Variants in MAGI2 observed in about 807,000 individuals in gnomAD.
MAGI2 encodes the protein membrane-associated guanylate kinase, WW and PDZ domain-containing protein 2.
Under a neutral mutation model 133.3 loss-of-function variants are expected in MAGI2, and 35 were observed. The ratio of observed to expected loss-of-function variants is 0.26; its 90% CI spans 0.20 to 0.35. The LOEUF is 0.35. MAGI2 is among the 10% of genes least tolerant of loss of function. The pLI, the probability that MAGI2 is intolerant of heterozygous loss-of-function variation, is 1.00. For missense variants in MAGI2, 1,636 were observed against 1,863.4 expected (o/e 0.88, Z 2.25); for synonymous variants, 729 against 710.6 (o/e 1.03, Z -0.41).
At chr7:79,260,381 TAC>T in intron 1 of MAGI2, among the ~76,000 whole-genome samples, 1 of 27,166 alleles carries the variant, frequency 3.7e-5, no homozygotes, top group East Asian at 6.1e-4. Flanking sequence ...CATACATACA[TAC>T]ATACATACAT....
At chr7:78,836,036 C>T (rs1791590260) in intron 2 of MAGI2, among the ~76,000 whole-genome samples, 2 of 152,186 alleles carry the variant, frequency 1.3e-5, no homozygotes, top group Non-Finnish European at 2.9e-5. Context: ...GCAAAAGGAA[C>T]AGTAATGGGT....
chr7:79,086,982 T>C (rs1318329744), intron 1 of MAGI2, among the ~76,000 whole-genome samples: 1 of 151,786 alleles, frequency 6.6e-6, no homozygotes, highest in Non-Finnish European at 1.5e-5. Flanking sequence ...ATCTGAGGAC[T>C]AGAAATAAAA....
intron 6 of MAGI2, among the ~76,000 whole-genome samples, chr7:78,433,554 A>G (rs1318612786): frequency 6.6e-6 from 1 of 152,086 alleles, no homozygotes; most frequent in East Asian, 1.9e-4. Context: ...CATTCAGTGT[A>G]GTAAAGGATG....
At chr7:78,840,444 A>G (rs556424705) in intron 2 of MAGI2, among the ~76,000 whole-genome samples, 15 of 152,168 alleles carry the variant, frequency 9.9e-5, no homozygotes, top group African/African-American at 2.6e-4. Flanking sequence ...GTAACTTCAT[A>G]AAGTCTGTGG....
At chr7:79,129,265 G>T (rs964471730) in intron 1 of MAGI2, among the ~76,000 whole-genome samples, 15 of 152,140 alleles carry the variant, frequency 9.9e-5, no homozygotes, top group African/African-American at 3.6e-4. Context: ...AATACCTTAT[G>T]TAATTTATTG....
chr7:78,670,831 C>T (rs1290453789), intron 2 of MAGI2, among the ~76,000 whole-genome samples: 1 of 152,116 alleles, frequency 6.6e-6, no homozygotes, highest in Non-Finnish European at 1.5e-5. Context: ...TTCAGTAAGA[C>T]TCAACAAAAG....
At chr7:78,798,538 C>T (rs1451200698) in intron 2 of MAGI2, among the ~76,000 whole-genome samples, 2 of 152,068 alleles carry the variant, frequency 1.3e-5, no homozygotes, top group Non-Finnish European at 2.9e-5. Context: ...TCCTGCTGCT[C>T]CTTGTTCTTT....
At chr7:79,364,961 C>A in intron 1 of MAGI2, among the ~76,000 whole-genome samples, 1 of 150,184 alleles carries the variant, frequency 6.7e-6, no homozygotes. Flanking sequence ...AATGAAAAGG[C>A]AAGCTAGAAA....
intron 6 of MAGI2, among the ~76,000 whole-genome samples, chr7:78,391,511 G>T (rs1013815393): frequency 1.3e-5 from 2 of 152,168 alleles, no homozygotes; most frequent in African/African-American, 4.8e-5. Flanking sequence ...GCATCAGAAA[G>T]AAACTTTGTG....
intron 4 of MAGI2, among the ~76,000 whole-genome samples, chr7:78,513,603 C>CTTAA (rs1408591069): frequency 6.6e-6 from 1 of 152,136 alleles, no homozygotes; most frequent in African/African-American, 2.4e-5. Context: ...CCTGAAGAAA[C>CTTAA]TTAAACATTT....
chr7:79,069,420 C>A (rs1240598456), intron 1 of MAGI2, among the ~76,000 whole-genome samples: 1 of 152,092 alleles, frequency 6.6e-6, no homozygotes, highest in African/African-American at 2.4e-5. Flanking sequence ...AGGATTGTAA[C>A]CCCTGCTTTT....
Position 79,314,333 on chromosome 7 carries a change from TCCTGA to T in MAGI2, c.301+138682_301+138686del, listed in dbSNP as rs202191307. Among the ~76,000 whole-genome samples, 1,014 of 152,252 alleles carry T rather than the reference TCCTGA, an allele frequency of 6.7e-3. 6 individuals are homozygous for T. Among genetic ancestry groups the T allele is most frequent in the African/African-American group, 0.023 (962 of 41,548 alleles). The stretch of plus-strand genomic sequence containing the variant: ...CATGTTGGCCATGCTGGTCTCAAAC[TCCTGA>T]CCTCAAGTGATCCACCTGCCTTGGC... On this transcript the variant is annotated intron_variant, in intron 1 of 21. Coordinates refer to ENST00000354212, the MANE Select transcript of MAGI2 (RefSeq NM_012301.4).
At chr7:78,488,867 T>C (rs1793324739) in intron 6 of MAGI2, among the ~76,000 whole-genome samples, 1 of 152,048 alleles carries the variant, frequency 6.6e-6, no homozygotes, top group South Asian at 2.1e-4. Flanking sequence ...AGACACTTTT[T>C]TAAAAGTTAA....
chr7:78,155,476 TG>T (rs1824298111), intron 16 of MAGI2, among the ~76,000 whole-genome samples: 1 of 152,028 alleles, frequency 6.6e-6, no homozygotes, highest in East Asian at 1.9e-4. Context: ...TAGCTGGACA[TG>T]GTGGTGCATG....
intron 2 of MAGI2, among the ~76,000 whole-genome samples, chr7:78,738,067 G>A (rs1470256171): frequency 4.1e-4 from 5 of 12,224 alleles, no homozygotes; most frequent in Admixed American, 9.7e-4. Flanking sequence ...AAAAAGCTTT[G>A]GTACCATAAG....
chr7:79,378,926 GTATATATATATA>G (rs59388508), intron 1 of MAGI2, among the ~76,000 whole-genome samples: 23 of 94,610 alleles, frequency 2.4e-4, no homozygotes, highest in African/African-American at 4.3e-4. Flanking sequence ...ATGTGTGTGT[GTATATATATATA>G]TATATATATA....
At chr7:79,412,191 A>G (rs1846191624) in intron 1 of MAGI2, 1 of 152,250 alleles carries the variant, frequency 6.6e-6, no homozygotes, top group Non-Finnish European at 1.5e-5. Flanking sequence ...ATTAACAGTT[A>G]TAAGAAAATA....
intron 10 of MAGI2, among the ~76,000 whole-genome samples, chr7:78,218,585 A>T (rs193226970): frequency 6.6e-6 from 1 of 152,216 alleles, no homozygotes; most frequent in Admixed American, 6.5e-5. Flanking sequence ...ACAATTTCCC[A>T]TCTTCAAGTC....
intron 4 of MAGI2, among the ~76,000 whole-genome samples, chr7:78,507,662 A>C (rs147111322): frequency 6.6e-6 from 1 of 152,314 alleles, no homozygotes; most frequent in African/African-American, 2.4e-5. Context: ...AAAATACCTG[A>C]ATAAAATTTT....
Sources: allele counts gnomAD v4.1 joint callset (sites outside exome capture counted in the v4.1 genomes callset), GRCh38; gene constraint gnomAD v4.1.1; transcripts MANE v1.5; gene names NCBI Gene and HGNC (gene_info 2026-07-23, HGNC 2026-07-21).